RNF43: variants seen among roughly 807,000 people sequenced by gnomAD.
RNF43 encodes the protein ring finger protein 43, also known as E3 ubiquitin-protein ligase RNF43.
RNF43 carries 37 observed loss-of-function variants against 78.4 expected under a neutral mutation model. That is an observed-to-expected ratio of 0.47 (90% CI 0.36 to 0.62). The LOEUF (loss-of-function observed/expected upper bound fraction) is 0.62. Ranked by LOEUF, RNF43 falls within the 20% of genes least tolerant of loss-of-function variation. RNF43 has a pLI of 0.00. For synonymous variants in RNF43, 347 were observed against 395.0 expected (o/e 0.88, Z 1.44); for missense variants, 774 against 1,007.9 (o/e 0.77, Z 3.14).
Position 58,357,119 on chromosome 17 carries a change from C to G in RNF43, c.2308+349G>C, listed in dbSNP as rs1181077073. ...ATGTTGGCCAGGTTGGTCTTGAACT[C>G]CTGGCCTCAAGGGATCCACCCACCT... On this transcript the variant is annotated intron_variant, in intron 9 of 9. Coordinates refer to ENST00000407977, the MANE Select transcript of RNF43 (RefSeq NM_017763.6). This position sits in a 1 kb window ranked among gnomAD's most constrained non-coding sequence, Gnocchi z 4.5. The G allele has an allele frequency of 1.5e-6, 1 of 673,258 alleles. No individual in the cohort carries two copies. Among genetic ancestry groups the G allele is most frequent in the Non-Finnish European group, 2.7e-6 (1 of 368,662 alleles). The allele number at this position is 673,258 out of a possible 1,614,324, so 41.7% of individuals were successfully genotyped here.
At position 58,386,145 on chromosome 17, in the gene RNF43, C is replaced by T. The variant is rs568847482; in HGVS notation, c.253-15112G>A. Among the ~76,000 whole-genome samples the T allele has an allele frequency of 1.3e-3, 199 of 148,984 alleles. 1 individual carries two copies. Among genetic ancestry groups the T allele is most frequent in the African/African-American group, 4.4e-3 (177 of 40,490 alleles). ...AAAAACAACAACAAAAAACACCATG[C>T]AGCCGGGCGTGGTGGCTCATGCCTG... On this transcript the variant is annotated intron_variant, in intron 2 of 9. Coordinates refer to ENST00000407977, the MANE Select transcript of RNF43 (RefSeq NM_017763.6).
chr17:58,404,675 A>G (rs1029148193), intron 2 of RNF43, among the ~76,000 whole-genome samples: 1 of 152,240 alleles, frequency 6.6e-6, no homozygotes, highest in South Asian at 2.1e-4. Flanking sequence ...ATAATAAGAA[A>G]ATGGTACTAG....
At chr17:58,374,361 G>A (rs902233902) in intron 2 of RNF43, among the ~76,000 whole-genome samples, 3 of 151,606 alleles carry the variant, frequency 2.0e-5, no homozygotes, top group Admixed American at 1.3e-4. Flanking sequence ...GGTGACCCCC[G>A]GGATTCTTAG....
chr17:58,388,305 C>T (rs1973478788), intron 2 of RNF43, among the ~76,000 whole-genome samples: 1 of 152,184 alleles, frequency 6.6e-6, no homozygotes, highest in Admixed American at 6.5e-5. Context: ...TGATTCCTTG[C>T]CTGCACATTA....
intron 2 of RNF43, among the ~76,000 whole-genome samples, chr17:58,371,357 C>G (rs1021562666): frequency 1.3e-5 from 2 of 152,254 alleles, no homozygotes; most frequent in African/African-American, 4.8e-5. Flanking sequence ...TGGCCAGACG[C>G]AGAGGGCTCC....
At chr17:58,396,557 G>A (rs918485582) in intron 2 of RNF43, among the ~76,000 whole-genome samples, 1 of 152,090 alleles carries the variant, frequency 6.6e-6, no homozygotes, top group Admixed American at 6.5e-5. Context: ...ACTGTCCTAA[G>A]GTTATCCATT....
intron 3 of RNF43, among the ~76,000 whole-genome samples, chr17:58,368,916 G>A (rs1973015104): frequency 6.6e-6 from 1 of 152,152 alleles, no homozygotes; most frequent in East Asian, 1.9e-4. Flanking sequence ...AGGAGTCACA[G>A]GCAAAGGTCT....
chr17:58,389,763 A>G (rs1454257208), intron 2 of RNF43, among the ~76,000 whole-genome samples: 1 of 152,212 alleles, frequency 6.6e-6, no homozygotes, highest in Admixed American at 6.5e-5. Context: ...TGTATCTTAT[A>G]AATTCTGTAT....
chr17:58,356,213 A>G (rs1012899315), intron 9 of RNF43, among the ~76,000 whole-genome samples: 3 of 152,224 alleles, frequency 2.0e-5, no homozygotes, highest in Non-Finnish European at 2.9e-5. Flanking sequence ...AAGCAGGCAT[A>G]TAGTCAGAAG....
In RNF43 at chr17:58,358,347, C is replaced by CACTGG. The variant is rs1972747212; in HGVS notation, c.1424_1428dup (p.Asp477ProfsTer27). The CACTGG allele has an allele frequency of 6.2e-7, 1 of 1,614,038 alleles. No individual in the cohort carries two copies. Among genetic ancestry groups the CACTGG allele is most frequent in the Non-Finnish European group, 8.5e-7 (1 of 1,180,036 alleles). ...ATGTCCGTGCAGTTGACCACAGAGT[C>CACTGG]ACTGGAAGAGCCATGACAGGGCCCT... On this transcript the variant is annotated frameshift_variant, in exon 9 of 10. Transcript: ENST00000407977. LOFTEE classifies it high-confidence loss of function. The surrounding 1 kb of genome is among the most constrained non-coding windows in gnomAD (Gnocchi z 6.2).
rs1431558530 is a variant in RNF43, at chr17:58,357,815, C to T, written c.1961G>A (p.Arg654Lys). 1.9e-6 allele frequency: 3 copies of T among 1,614,186 alleles called. No individual in the cohort carries two copies. The highest frequency in any genetic ancestry group is 2.5e-6 in the Non-Finnish European group (3 of 1,180,032). The change falls in exon 9 of 10, where the codon AGG becomes AAG. Residue 654 changes from arginine to lysine, a missense_variant. By Grantham distance (26) the Arg-to-Lys change is conservative. Transcript: ENST00000407977. This position sits in a 1 kb window ranked among gnomAD's most constrained non-coding sequence, Gnocchi z 4.5. ...KSSLSARHPQ[R>K]KRRGGPSEPT... ...CTCGGAGGGACCCCCCCGCCTTTTC[C>T]TCTGTGGGTGTCGGGCAGAGAGGCT...
chr17:58,364,924 G>A (rs990549900), intron 3 of RNF43, among the ~76,000 whole-genome samples: 15 of 152,210 alleles, frequency 9.9e-5, no homozygotes, highest in African/African-American at 3.6e-4. Context: ...CCAGACAGCA[G>A]CAAGGCCCAG....
chr17:58,408,340 C>T (rs1386639986), intron 2 of RNF43, among the ~76,000 whole-genome samples: 2 of 152,134 alleles, frequency 1.3e-5, no homozygotes, highest in Admixed American at 6.5e-5. Context: ...TGATCACATT[C>T]TCAAAGGGGC....
chr17:58,398,737 G>T (rs1374370399), intron 2 of RNF43, among the ~76,000 whole-genome samples: 2 of 152,072 alleles, frequency 1.3e-5, no homozygotes, highest in Non-Finnish European at 2.9e-5. Context: ...AAGAAGTAAA[G>T]GTCAAAAAAG....
At chr17:58,361,491 A>G (rs1567875813) in intron 6 of RNF43, among the ~76,000 whole-genome samples, 1 of 152,148 alleles carries the variant, frequency 6.6e-6, no homozygotes, top group Non-Finnish European at 1.5e-5. Context: ...AGCTACCATT[A>G]CTGTCACCTG....
rs200818613 is a variant in RNF43 at position 58,357,874 on chromosome 17, G to C, written c.1902C>G (p.Pro634=). Residue 634 remains proline, a synonymous_variant, in exon 9 of 10, where the codon CCC becomes CCG. Transcript: ENST00000407977. The surrounding 1 kb of genome is among the most constrained non-coding windows in gnomAD (Gnocchi z 4.5). The stretch of plus-strand genomic sequence containing the variant: ...GCAAGTTGAACAGACTGCTGGTACT[G>C]GGGCAGATGCTGGAGGCGTCAACTG... ...PGPVDASSIC[P]STSSLFNLQK... 3.6e-5 allele frequency: 58 copies of C among 1,614,136 alleles called. No homozygotes were observed. The highest frequency in any genetic ancestry group is 4.9e-5 in the Non-Finnish European group (58 of 1,180,014).
At chr17:58,362,275 GT>G (rs1374256602) in intron 6 of RNF43, among the ~76,000 whole-genome samples, 1 of 152,064 alleles carries the variant, frequency 6.6e-6, no homozygotes, top group East Asian at 1.9e-4. Flanking sequence ...CTCTTTGAGG[GT>G]AGGAGTTTTT....
At chr17:58,381,846 C>T (rs977101273) in intron 2 of RNF43, among the ~76,000 whole-genome samples, 2 of 152,164 alleles carry the variant, frequency 1.3e-5, no homozygotes, top group Non-Finnish European at 2.9e-5. Context: ...TAGCTTGGTT[C>T]TCTGCCAAAT....
intron 2 of RNF43, chr17:58,402,672 AT>A (rs1382760734): frequency 1.3e-5 from 2 of 152,188 alleles, no homozygotes; most frequent in Admixed American, 1.3e-4. Flanking sequence ...TATAGTCTTA[AT>A]TTTCTTCAAA....
Sources: allele counts gnomAD v4.1 joint callset (sites outside exome capture counted in the v4.1 genomes callset), GRCh38; gene constraint gnomAD v4.1.1; non-coding constraint Gnocchi (gnomAD v3.1); transcripts MANE v1.5; gene names NCBI Gene and HGNC (gene_info 2026-07-23, HGNC 2026-07-21).